The following LAMB1 variants were observed in gnomAD, a reference collection of about 807,000 sequenced individuals.
The protein encoded by LAMB1 is laminin subunit beta-1.
A neutral mutation model predicts 222.3 loss-of-function variants in LAMB1; 121 were observed. The ratio of observed to expected loss-of-function variants is 0.54; its 90% CI spans 0.47 to 0.63. The LOEUF is 0.63. Among genes scored for constraint, LAMB1 ranks in the 30% least tolerant of loss-of-function variants. The probability of loss-of-function intolerance (pLI) is 0.00; values close to 1 mark genes in which losing one functional copy is unlikely to be tolerated. For synonymous variants in LAMB1, 794 were observed against 807.2 expected (o/e 0.98, Z 0.28); for missense variants, 2,172 against 2,240.8 (o/e 0.97, Z 0.62).
At chr7:107,935,699 C>T (rs1443470211) in intron 26 of LAMB1, 43 bp from the exon 27 acceptor site, 1 of 1,596,480 alleles carries the variant, frequency 6.3e-7, no homozygotes, top group African/African-American at 1.3e-5. Context: ...CCTCATCATA[C>T]TAGGCTTCCT....
intron 27 of LAMB1, 164 bp downstream of exon 27, chr7:107,935,251 A>G (rs2032813289): frequency 9.7e-7 from 1 of 1,032,850 alleles, no homozygotes; most frequent in Non-Finnish European, 1.4e-6. Flanking sequence ...CAGATACCCC[A>G]TTCCAGGATC....
Position 107,962,918 on chromosome 7 carries a change from C to G in LAMB1, c.1844G>C (p.Arg615Pro). ...PYSMEYDILIRYEPQLPDHWE... is the reference protein window; with the variant it reads ...PYSMEYDILIPYEPQLPDHWE... ...TGGTTTCTTTACCTGTGGCTCGTAG[C>G]GAATTAGGATGTCGTACTCCATGGA... Residue 615 changes from arginine (R) to proline (P), a missense_variant, in exon 15 of 34, where the codon CGC becomes CCC. Transcript: ENST00000222399. 1.2e-6 allele frequency: 2 copies of G among 1,611,892 alleles called. No homozygotes were observed. Among genetic ancestry groups the G allele is most frequent in the African/African-American group, 2.7e-5 (2 of 74,836 alleles).
In LAMB1 at chr7:107,959,678, T is replaced by G. The variant is rs1165056858; in HGVS notation, c.2458+13A>C. Reference sequence around the variant, plus strand: ...TCTGAATGAATGCATAACAATGCTTTTGAGGAACCTACGTTTGCATCCACT... The same window carrying G: ...TCTGAATGAATGCATAACAATGCTTGTGAGGAACCTACGTTTGCATCCACT... On this transcript the variant is annotated intron_variant, in intron 19 of 33. Coordinates refer to ENST00000222399, the MANE Select transcript of LAMB1 (RefSeq NM_002291.3). The G allele has an allele frequency of 6.2e-7, 1 of 1,614,104 alleles. No individual in the cohort carries two copies. Among genetic ancestry groups the G allele is most frequent in the African/African-American group, 1.3e-5 (1 of 74,936 alleles).
intron 5 of LAMB1, 102 bp from the exon 6 acceptor site, chr7:107,986,465 G>T: frequency 1.1e-6 from 1 of 891,394 alleles, no homozygotes; most frequent in Non-Finnish European, 1.7e-6. Flanking sequence ...CCACAAACTT[G>T]AACTGCATAT....
At chr7:107,941,863 G>T in intron 24 of LAMB1, among the ~76,000 whole-genome samples, 1 of 102,350 alleles carries the variant, frequency 9.8e-6, no homozygotes, top group Non-Finnish European at 1.8e-5. Context: ...TTTTTTAAGA[G>T]ACGGTGTTTC....
chr7:107,981,474 G>A (rs1478002601), intron 7 of LAMB1, among the ~76,000 whole-genome samples: 2 of 151,856 alleles, frequency 1.3e-5, no homozygotes, highest in African/African-American at 4.8e-5. Context: ...TTAGCCAGGT[G>A]TGGTGGCAGG....
chr7:107,951,984 A>G (rs1162327253), intron 23 of LAMB1, 25 bp downstream of exon 23: 5 of 1,586,350 alleles, frequency 3.2e-6, no homozygotes, highest in Non-Finnish European at 4.3e-6. Context: ...TCATAAAGGC[A>G]TCATCCCCAG....
At chr7:107,929,892 C>A in intron 29 of LAMB1, 1 of 485,864 alleles carries the variant, frequency 2.1e-6, no homozygotes, top group South Asian at 2.3e-5. Flanking sequence ...AGGAGCTGAT[C>A]AGATTTTAAG....
Position 107,926,221 on chromosome 7 carries a change from C to G in LAMB1, c.5026G>C (p.Val1676Leu), listed in dbSNP as rs373364709. 2 of 1,613,898 alleles carry G rather than the reference C, an allele frequency of 1.2e-6. No homozygotes were observed. Among genetic ancestry groups the G allele is most frequent in the Non-Finnish European group, 8.5e-7 (1 of 1,179,792 alleles). The change falls in exon 32 of 34, where the codon GTA (valine) becomes CTA (leucine). Residue 1676 changes from valine to leucine, a missense_variant. Physicochemically the swap from Val to Leu is conservative, Grantham distance 32 (BLOSUM62 1). Coordinates refer to ENST00000222399, the MANE Select transcript of LAMB1 (RefSeq NM_002291.3). ...SGEAEYIEKV[V>L]YTVKQSAEDV... ...TCTGCACTTTGCTTCACAGTATATACTACTTTTTCAATATATTCTGCCTCC... is the reference window on the plus strand; with the variant it reads ...TCTGCACTTTGCTTCACAGTATATAGTACTTTTTCAATATATTCTGCCTCC...
chr7:108,002,046 C>A, intron 2 of LAMB1: 1 of 1,445,166 alleles, frequency 6.9e-7, no homozygotes, highest in Non-Finnish European at 9.1e-7. Context: ...GCTCCCCCAA[C>A]AAAGGGTGGA....
chr7:107,955,747 C>G, intron 20 of LAMB1, 117 bp from the exon 21 acceptor site: 1 of 908,686 alleles, frequency 1.1e-6, no homozygotes, highest in East Asian at 2.9e-5. Flanking sequence ...CTCATGTTTT[C>G]TTTGAGACAG....
intron 5 of LAMB1, among the ~76,000 whole-genome samples, chr7:107,986,776 T>A (rs992614253): frequency 6.6e-6 from 1 of 152,240 alleles, no homozygotes; most frequent in Admixed American, 6.5e-5. Context: ...CAGTGGACTA[T>A]ATGTTGTATA....
chr7:107,978,958 G>T (rs956651509), intron 8 of LAMB1, among the ~76,000 whole-genome samples: 9 of 152,188 alleles, frequency 5.9e-5, no homozygotes, highest in Admixed American at 2.0e-4. Flanking sequence ...TGGAATTCAG[G>T]AACAGGACAG....
At position 107,929,428 on chromosome 7, in the gene LAMB1, C is replaced by T; in HGVS notation, c.4729G>A (p.Glu1577Lys). 1 of 1,614,050 alleles carries T rather than the reference C, an allele frequency of 6.2e-7. No homozygotes were observed. The highest frequency in any genetic ancestry group is 8.5e-7 in the Non-Finnish European group (1 of 1,179,952). Reference sequence around the variant, plus strand: ...TTTAGATACCTTGCTCTTTTAGCTTCTTCTAACAACATCTCAGCTCTGGCA... The same window carrying T: ...TTTAGATACCTTGCTCTTTTAGCTTTTTCTAACAACATCTCAGCTCTGGCA... ...DIARAEMLLE[E>K]AKRASKSATD... Residue 1577 changes from glutamate (E) to lysine (K), a missense_variant, in exon 30 of 34, where the codon GAA (glutamate) becomes AAA (lysine). Coordinates refer to ENST00000222399, the MANE Select transcript of LAMB1 (RefSeq NM_002291.3).
chr7:107,997,956 G>T (rs1021415064), intron 4 of LAMB1, among the ~76,000 whole-genome samples: 1 of 152,076 alleles, frequency 6.6e-6, no homozygotes, highest in Non-Finnish European at 1.5e-5. Flanking sequence ...GGAAGGCAGT[G>T]GGGGGAGGAG....
intron 5 of LAMB1, among the ~76,000 whole-genome samples, chr7:107,988,144 T>C (rs924896363): frequency 2.6e-5 from 4 of 152,210 alleles, no homozygotes; most frequent in Non-Finnish European, 5.9e-5. Flanking sequence ...GAAGACTCTA[T>C]TGAATTACAC....
At position 107,952,196 on chromosome 7, in the gene LAMB1, A is replaced by G; in HGVS notation, c.3107T>C (p.Val1036Ala). The change falls in exon 23 of 34, where the codon GTG (valine) becomes GCG (alanine). Residue 1036 changes from valine to alanine, a missense_variant. By Grantham distance (64) the Val-to-Ala change is moderately conservative. Transcript: ENST00000222399. The part of the protein sequence containing the change: ...RKCVCNYLGT[V>A]QEHCNGSDCQ... ...GTCAGAGCCGTTACAGTGCTCTTGC[A>G]CGGTGCCCAGGTAATTACAGACACA... 2 of 1,610,228 alleles carry G rather than the reference A, an allele frequency of 1.2e-6. No individual in the cohort carries two copies. The highest frequency in any genetic ancestry group is 1.7e-6 in the Non-Finnish European group (2 of 1,176,990).
intron 2 of LAMB1, chr7:108,002,501 G>A (rs1409358036): frequency 1.6e-5 from 19 of 1,156,434 alleles, no homozygotes; most frequent in Non-Finnish European, 2.2e-5. Flanking sequence ...GATTTTTGGA[G>A]AGCCCTCCTC....
At position 107,960,468 on chromosome 7, in the gene LAMB1, G is replaced by A; in HGVS notation, c.2291C>T (p.Ala764Val). 4.3e-6 allele frequency: 7 copies of A among 1,614,054 alleles called. No individual in the cohort carries two copies. The highest frequency in any genetic ancestry group is 5.9e-6 in the Non-Finnish European group (7 of 1,179,938). Residue 764 changes from alanine (A) to valine (V), a missense_variant, in exon 18 of 34, where the codon GCC becomes GTC. Transcript: ENST00000222399. ...VCRNIIFSIS[A>V]LLHQTGLACE... ...ACCCAGGCCTGTCTGGTGTAACAGG[G>A]CAGAAATGCTAAAGATGATGTTTCT...
Sources: allele counts gnomAD v4.1 joint callset (sites outside exome capture counted in the v4.1 genomes callset), GRCh38; gene constraint gnomAD v4.1.1; transcripts MANE v1.5; gene names NCBI Gene and HGNC (gene_info 2026-07-23, HGNC 2026-07-21).